Variants in CTR9 observed in about 807,000 individuals in gnomAD.
The protein encoded by CTR9 is CTR9 component of Paf1/RNA polymerase II complex.
A neutral mutation model predicts 152.1 loss-of-function variants in CTR9; 41 were observed. That is an observed-to-expected ratio of 0.27 (90% CI 0.21 to 0.35). The LOEUF is 0.35. Among genes scored for constraint, CTR9 ranks in the 10% least tolerant of loss-of-function variants. CTR9 has a pLI of 1.00. For missense variants in CTR9, 917 were observed against 1,424.4 expected (o/e 0.64, Z 5.73); for synonymous variants, 476 against 496.2 (o/e 0.96, Z 0.54).
At chr11:10,778,401 GA>G (rs1335834284) in intron 24 of CTR9, among the ~76,000 whole-genome samples, 1 of 152,156 alleles carries the variant, frequency 6.6e-6, no homozygotes, top group Non-Finnish European at 1.5e-5. Context: ...TCATTCTGAT[GA>G]AAAGTGTCCA....
At chr11:10,769,878 A>C (rs1009070702) in intron 16 of CTR9, among the ~76,000 whole-genome samples, 12 of 152,222 alleles carry the variant, frequency 7.9e-5, no homozygotes, top group Non-Finnish European at 1.8e-4. Flanking sequence ...ACTTCTCATC[A>C]GTGGTCAATA....
At chr11:10,769,540 A>T (rs1329910497) in intron 16 of CTR9, among the ~76,000 whole-genome samples, 1 of 152,200 alleles carries the variant, frequency 6.6e-6, no homozygotes, top group Non-Finnish European at 1.5e-5. Flanking sequence ...TAGATTGCAT[A>T]TGGAGCTTCA....
Position 10,763,691 on chromosome 11 carries a change from GCCTCAT to G in CTR9, c.1011_1016del (p.Ser338_Ser339del). 1 of 1,613,874 alleles carries G rather than the reference GCCTCAT, an allele frequency of 6.2e-7. No homozygotes were observed. Among genetic ancestry groups the G allele is most frequent in the Non-Finnish European group, 8.5e-7 (1 of 1,179,960 alleles). On this transcript the variant is annotated inframe_deletion, in exon 9 of 25. Transcript: ENST00000361367. ...GTACTATTATCAAGCCACACAGTTT[GCCTCAT>G]CCTCTTTTGTGCTCCCATTTTTTGG...
intron 18 of CTR9, among the ~76,000 whole-genome samples, chr11:10,771,083 A>G (rs752288630): frequency 6.6e-6 from 1 of 152,218 alleles, no homozygotes; most frequent in South Asian, 2.1e-4. Context: ...ATAATGCTTA[A>G]TAGTTTTATT....
chr11:10,755,091 A>G lies in CTR9; in HGVS notation c.278A>G (p.Tyr93Cys). 1.2e-6 allele frequency: 2 copies of G among 1,614,114 alleles called. No individual in the cohort carries two copies. Among genetic ancestry groups the G allele is most frequent in the South Asian group, 1.1e-5 (1 of 91,084 alleles). ...TGCTTGGATACATTGGCAGCGTATT[A>G]TGTACAACAGGCTCGGAAAGAAAAG... ...MTCLDTLAAY[Y>C]VQQARKEKNK... Residue 93 changes from tyrosine (Y) to cysteine (C), a missense_variant, in exon 3 of 25, where the codon TAT becomes TGT. Tyr to Cys is a radical substitution (Grantham distance 194, BLOSUM62 -2). Transcript: ENST00000361367.
chr11:10,763,603 C>G, intron 8 of CTR9, 40 bp from the exon 9 acceptor site: 2 of 1,565,044 alleles, frequency 1.3e-6, no homozygotes, highest in Non-Finnish European at 1.7e-6. Flanking sequence ...CTTTCCAATA[C>G]TTTTGTACAT....
chr11:10,764,347 C>T lies in CTR9; in HGVS notation c.1324C>T (p.Gln442Ter). The part of the protein sequence containing the change: ...SAYGTATRIL[Q>*]EKVQADVPPE... ...CTATGGAACAGCAACACGAATCCTT[C>T]AGGAGAAAGTGCAGGCCGATGTTCC... The change falls in exon 11 of 25, where the codon CAG becomes TAG. Residue 442 changes from glutamine (Q) to a stop codon, truncating the protein, a stop_gained. Coordinates refer to ENST00000361367, the MANE Select transcript of CTR9 (RefSeq NM_014633.5). LOFTEE classifies it high-confidence loss of function. 6.2e-7 allele frequency: 1 copy of T among 1,614,112 alleles called. No individual in the cohort carries two copies. The highest frequency in any genetic ancestry group is 8.5e-7 in the Non-Finnish European group (1 of 1,180,000).
rs771270146 is a variant in CTR9, at chr11:10,763,389, G to A, written c.850-42G>A. 3 of 1,319,586 alleles carry A rather than the reference G, an allele frequency of 2.3e-6. No individual in the cohort carries two copies. The South Asian group carries it at 3.6e-5, about 16-fold the overall frequency. The allele number at this position is 1,319,586 out of a possible 1,614,324, so 81.7% of individuals were successfully genotyped here. A position where few individuals can be genotyped will look rare whatever the true frequency, so the allele number is the denominator to read the frequency against. On this transcript the variant is annotated intron_variant, in intron 7 of 24. Transcript: ENST00000361367. ...TAAGATAAAACAGCTATGCAAGCTAGTCTTATGAATTCACTCAGTTGACTT... is the reference window on the plus strand; with the variant it reads ...TAAGATAAAACAGCTATGCAAGCTAATCTTATGAATTCACTCAGTTGACTT...
Position 10,768,000 on chromosome 11 carries a change from T to G in CTR9, c.1872+9T>G. 6.2e-7 allele frequency: 1 copy of G among 1,613,752 alleles called. No individual in the cohort carries two copies. Among genetic ancestry groups the G allele is most frequent in the Non-Finnish European group, 8.5e-7 (1 of 1,179,790 alleles). On this transcript the variant is annotated intron_variant, in intron 14 of 24. Coordinates refer to ENST00000361367, the MANE Select transcript of CTR9 (RefSeq NM_014633.5). This position sits in a 1 kb window ranked among gnomAD's most constrained non-coding sequence, Gnocchi z 4.0. ...CCCGAGATCGAGAAAAGGTAATCTCTTTTTGTCCTTTTAAACAAAACTGAT... is the reference window on the plus strand; with the variant it reads ...CCCGAGATCGAGAAAAGGTAATCTCGTTTTGTCCTTTTAAACAAAACTGAT...
intron 16 of CTR9, among the ~76,000 whole-genome samples, chr11:10,769,448 G>C (rs535681111): frequency 1.3e-5 from 2 of 152,086 alleles, no homozygotes; most frequent in Non-Finnish European, 2.9e-5. Context: ...CTGAGAAGTG[G>C]TTTACCTTTT....
intron 16 of CTR9, 99 bp downstream of exon 16, chr11:10,768,590 CTT>C: frequency 8.5e-7 from 1 of 1,175,368 alleles, no homozygotes; most frequent in Non-Finnish European, 1.2e-6. Flanking sequence ...CATGCTATCT[CTT>C]GTGATACTGT....
At chr11:10,775,104 A>G (rs1204416852) in intron 22 of CTR9, 103 bp from the exon 23 acceptor site, 2 of 874,544 alleles carry the variant, frequency 2.3e-6, no homozygotes, top group Non-Finnish European at 3.6e-6. Flanking sequence ...GACAGCACCC[A>G]TATAGAAGAG....
rs762979870 is a variant in CTR9 at position 10,774,186 on chromosome 11, TGTGCTTTAA to T, written c.2885+20_2885+28del. ...GAGGAGAAGGTAATGTCATCATTAA[TGTGCTTTAA>T]GTAACCTCATAAAAGTGGTGAAAGA... On this transcript the variant is annotated intron_variant, in intron 22 of 24. Coordinates refer to ENST00000361367, the MANE Select transcript of CTR9 (RefSeq NM_014633.5). 2.5e-6 allele frequency: 4 copies of T among 1,600,986 alleles called. No individual in the cohort carries two copies. In the East Asian group the frequency reaches 8.9e-5, roughly 36 times the overall value.
At chr11:10,760,146 G>A in intron 5 of CTR9, 27 bp from the exon 6 acceptor site, 1 of 1,605,540 alleles carries the variant, frequency 6.2e-7, no homozygotes, top group Non-Finnish European at 8.5e-7. Flanking sequence ...GCCCTAGTTT[G>A]ATAGATTGAA....
At chr11:10,774,895 C>T (rs557974447) in intron 22 of CTR9, among the ~76,000 whole-genome samples, 6 of 151,838 alleles carry the variant, frequency 4.0e-5, no homozygotes, top group East Asian at 1.9e-4. Context: ...AAGGGAAAGA[C>T]GTTGAAGTCT....
intron 3 of CTR9, 76 bp from the exon 4 acceptor site, chr11:10,755,602 C>A: frequency 1.2e-6 from 1 of 858,602 alleles, no homozygotes. Context: ...CACCTCCTTC[C>A]TATTTGGTTT....
At chr11:10,763,126 TA>T (rs1336913723) in intron 7 of CTR9, among the ~76,000 whole-genome samples, 1 of 149,990 alleles carries the variant, frequency 6.7e-6, no homozygotes, top group East Asian at 2.0e-4. Flanking sequence ...GTTAATAGTC[TA>T]AAGTCAGTAA....
intron 7 of CTR9, among the ~76,000 whole-genome samples, chr11:10,762,535 C>T (rs1026357915): frequency 6.6e-5 from 10 of 152,114 alleles, no homozygotes; most frequent in African/African-American, 2.4e-4. Flanking sequence ...GTATAATATA[C>T]TTATGGTAGG....
At chr11:10,772,077 T>C (rs952693793) in intron 19 of CTR9, among the ~76,000 whole-genome samples, 7 of 152,098 alleles carry the variant, frequency 4.6e-5, no homozygotes, top group Non-Finnish European at 7.4e-5. Flanking sequence ...TTTTTTTGGC[T>C]GGGCGCAGTG....
Sources: allele counts gnomAD v4.1 joint callset (sites outside exome capture counted in the v4.1 genomes callset), GRCh38; gene constraint gnomAD v4.1.1; non-coding constraint Gnocchi (gnomAD v3.1); transcripts MANE v1.5; gene names NCBI Gene and HGNC (gene_info 2026-07-23, HGNC 2026-07-21).